FBXL19: variants seen among roughly 807,000 people sequenced by gnomAD.
The protein encoded by FBXL19 is F-box/LRR-repeat protein 19.
FBXL19 carries 16 observed loss-of-function variants against 71.2 expected under a neutral mutation model. The ratio of observed to expected loss-of-function variants is 0.22; its 90% CI spans 0.15 to 0.34. The LOEUF (loss-of-function observed/expected upper bound fraction) is 0.34, where lower values mean the gene tolerates loss of function less well. FBXL19 is among the 10% of genes least tolerant of loss of function. FBXL19 has a pLI of 1.00. For synonymous variants in FBXL19, 447 were observed against 409.4 expected (o/e 1.09, Z -1.11); for missense variants, 658 against 968.2 (o/e 0.68, Z 4.25).
chr16:30,944,375 G>A (rs1398868544), intron 9 of FBXL19, among the ~76,000 whole-genome samples: 1 of 151,468 alleles, frequency 6.6e-6, no homozygotes, highest in Non-Finnish European at 1.5e-5. Flanking sequence ...AAGGCTCCAG[G>A]GTGTGTTGTT....
At chr16:30,934,651 C>T (rs2055711787) in intron 7 of FBXL19, among the ~76,000 whole-genome samples, 1 of 115,422 alleles carries the variant, frequency 8.7e-6, no homozygotes, top group African/African-American at 2.6e-5. Flanking sequence ...GAGCAAGACC[C>T]TGTCTCAAAA....
chr16:30,946,691 G>T lies in FBXL19; in HGVS notation c.1628-39G>T. The T allele has an allele frequency of 1.3e-6, 2 of 1,574,794 alleles. No individual in the cohort carries two copies. The highest frequency in any genetic ancestry group is 2.3e-5 in the East Asian group (1 of 43,514). Reference sequence around the variant, plus strand: ...TCTGGATACCTGGGCGCAGGGATGGGAGTGGCCAGGAGTGCTGACCTCTCA... The same window carrying T: ...TCTGGATACCTGGGCGCAGGGATGGTAGTGGCCAGGAGTGCTGACCTCTCA... On this transcript the variant is annotated intron_variant, in intron 9 of 10. Coordinates refer to ENST00000338343, the MANE Select transcript of FBXL19 (RefSeq NM_001382779.1). The surrounding 1 kb of genome is among the most constrained non-coding windows in gnomAD (Gnocchi z 6.7).
intron 9 of FBXL19, among the ~76,000 whole-genome samples, chr16:30,945,849 GAAAA>G (rs11464927): frequency 8.1e-5 from 7 of 86,820 alleles, no homozygotes; most frequent in East Asian, 8.1e-4. Flanking sequence ...CCGTCTCGGG[GAAAA>G]AAAAAAAAAA....
intron 4 of FBXL19, 23 bp downstream of exon 4, chr16:30,927,682 C>T: frequency 6.4e-7 from 1 of 1,561,300 alleles, no homozygotes; most frequent in Non-Finnish European, 8.7e-7. Context: ...CTGGGCTGAG[C>T]TGTGGGTAGG....
At chr16:30,944,843 A>G (rs1315395753) in intron 9 of FBXL19, among the ~76,000 whole-genome samples, 1 of 152,150 alleles carries the variant, frequency 6.6e-6, no homozygotes, top group Non-Finnish European at 1.5e-5. Context: ...TTGGCTCCTC[A>G]AAGACAGGAG....
In FBXL19 at chr16:30,923,647, G is replaced by C. The variant is rs2055552319; in HGVS notation, c.-837G>C. ...GGGCCCCGGGCCGTAGCAGCGCGGG[G>C]CTGGGGGACCAGGGGGGCTGAGACA... On this transcript the variant is annotated 5_prime_UTR_variant, in exon 1 of 11. Coordinates refer to ENST00000338343, the MANE Select transcript of FBXL19 (RefSeq NM_001382779.1). Among the ~76,000 whole-genome samples the C allele has an allele frequency of 6.6e-6, 1 of 151,588 alleles. No homozygotes were observed. Among genetic ancestry groups the C allele is most frequent in the Non-Finnish European group, 1.5e-5 (1 of 67,768 alleles).
intron 6 of FBXL19, among the ~76,000 whole-genome samples, chr16:30,929,796 C>T (rs2055647758): frequency 1.3e-5 from 2 of 152,208 alleles, no homozygotes; most frequent in South Asian, 2.1e-4. Context: ...CCTCGTGATC[C>T]TCCCGCCTCG....
Position 30,925,689 on chromosome 16 carries a change from GC to G in FBXL19, c.-24-38del. 1 of 1,463,536 alleles carries G rather than the reference GC, an allele frequency of 6.8e-7. No individual in the cohort carries two copies. Among genetic ancestry groups the G allele is most frequent in the Non-Finnish European group, 9.0e-7 (1 of 1,116,524 alleles). 90.7% of individuals were successfully genotyped at this position (1,463,536 alleles called of 1,614,324 possible). A position where few individuals can be genotyped will look rare whatever the true frequency, so the allele number is the denominator to read the frequency against. On this transcript the variant is annotated intron_variant, in intron 1 of 10. Coordinates refer to ENST00000338343, the MANE Select transcript of FBXL19 (RefSeq NM_001382779.1). The surrounding 1 kb of genome is among the most constrained non-coding windows in gnomAD (Gnocchi z 5.0). Reference sequence around the variant, plus strand: ...CCTGTCAGGGGTCTCCCAGGCCAGGGCCCCAGTGGGCCCATCTGACCCTGCC... The same window carrying G: ...CCTGTCAGGGGTCTCCCAGGCCAGGGCCCAGTGGGCCCATCTGACCCTGCC...
chr16:30,925,892 G>A lies in FBXL19; in HGVS notation c.138G>A (p.Gly46=), dbSNP rs1202047965. The A allele has an allele frequency of 6.7e-7, 1 of 1,502,818 alleles. No homozygotes were observed. 93.1% of individuals were successfully genotyped at this position (1,502,818 alleles called of 1,614,324 possible). A position where few individuals can be genotyped will look rare whatever the true frequency, so the allele number is the denominator to read the frequency against. The change falls in exon 2 of 11, where the codon GGG becomes GGA. Residue 46 remains glycine (G), a synonymous_variant. Transcript: ENST00000338343. The surrounding 1 kb of genome is among the most constrained non-coding windows in gnomAD (Gnocchi z 5.0). ...ACATGAAGAAGTTCGGGGGGCCCGG[G>A]CGCATGAAGCAGTCGTGCCTGCTCC... ...CRDMKKFGGP[G]RMKQSCLLRQ... is the part of the protein sequence containing the mutation.
intron 7 of FBXL19, among the ~76,000 whole-genome samples, chr16:30,938,498 T>C (rs1037774056): frequency 5.3e-5 from 8 of 152,152 alleles, no homozygotes; most frequent in African/African-American, 1.9e-4. Context: ...AGTGAGACTT[T>C]GTCTGAAAAA....
At chr16:30,945,968 A>C (rs2143395870) in intron 9 of FBXL19, among the ~76,000 whole-genome samples, 1 of 152,058 alleles carries the variant, frequency 6.6e-6, no homozygotes, top group East Asian at 1.9e-4. Context: ...GAGTGTGGAG[A>C]ATTACATTAG....
At chr16:30,938,841 T>C (rs1184565817) in intron 7 of FBXL19, among the ~76,000 whole-genome samples, 2 of 151,796 alleles carry the variant, frequency 1.3e-5, no homozygotes, top group East Asian at 3.9e-4. Flanking sequence ...TTTCACCGTA[T>C]TAGCCAGGAT....
In FBXL19 at chr16:30,923,774, C is replaced by T. The variant is rs2055554608; in HGVS notation, c.-710C>T. On this transcript the variant is annotated 5_prime_UTR_variant, in exon 1 of 11. Transcript: ENST00000338343. ...ATTCAAATTTTATTTAAATCCCTAT[C>T]TCCCGAGGGTCGCGCGCTTGGGGGA... Among the ~76,000 whole-genome samples, 1 of 149,462 alleles carries T rather than the reference C, an allele frequency of 6.7e-6. No individual in the cohort carries two copies. Among genetic ancestry groups the T allele is most frequent in the Non-Finnish European group, 1.5e-5 (1 of 67,204 alleles).
Position 30,942,866 on chromosome 16 carries a change from C to T in FBXL19, c.1627+330C>T, listed in dbSNP as rs1260976856. ...ACTTAAATCTCATCATCCTTTAGGC[C>T]TGGGTATAAATGCCACTTCCTCCAA... On this transcript the variant is annotated intron_variant, in intron 9 of 10. Coordinates refer to ENST00000338343, the MANE Select transcript of FBXL19 (RefSeq NM_001382779.1). The surrounding 1 kb of genome is among the most constrained non-coding windows in gnomAD (Gnocchi z 5.7). 1.3e-5 allele frequency among the ~76,000 whole-genome samples: 2 copies of T among 152,180 alleles called. No individual in the cohort carries two copies. Among genetic ancestry groups the T allele is most frequent in the African/African-American group, 4.8e-5 (2 of 41,428 alleles).
chr16:30,939,652 T>G (rs944825254), intron 7 of FBXL19, among the ~76,000 whole-genome samples: 5 of 151,750 alleles, frequency 3.3e-5, no homozygotes, highest in Non-Finnish European at 7.4e-5. Context: ...TCTCCTGACC[T>G]AGTGATCCAC....
chr16:30,929,390 A>G (rs957471862), intron 6 of FBXL19, among the ~76,000 whole-genome samples: 1 of 152,160 alleles, frequency 6.6e-6, no homozygotes, highest in Middle Eastern at 3.2e-3. Flanking sequence ...GTTGATAGAC[A>G]GACGCCTGCT....
chr16:30,923,037 G>A (rs1385946075), upstream of FBXL19: 1 of 456,874 alleles, frequency 2.2e-6, no homozygotes, highest in South Asian at 1.5e-5. Context: ...CTAGTCAGGT[G>A]TATGTCCCTC....
In FBXL19 at chr16:30,946,960, C is replaced by A; in HGVS notation, c.1846+12C>A. 6.3e-7 allele frequency: 1 copy of A among 1,598,254 alleles called. No individual in the cohort carries two copies. The highest frequency in any genetic ancestry group is 8.5e-7 in the Non-Finnish European group (1 of 1,173,370). On this transcript the variant is annotated intron_variant, in intron 10 of 10. Coordinates refer to ENST00000338343, the MANE Select transcript of FBXL19 (RefSeq NM_001382779.1). The surrounding 1 kb of genome is among the most constrained non-coding windows in gnomAD (Gnocchi z 6.7). Reference sequence around the variant, plus strand: ...CCTCAATCTTGCTGGTAAGCACGGTCCCCCATCCGTCCTGCCAGCCTGTGG... The same window carrying A: ...CCTCAATCTTGCTGGTAAGCACGGTACCCCATCCGTCCTGCCAGCCTGTGG...
Position 30,947,970 on chromosome 16 carries a change from G to T in FBXL19, c.*740G>T, listed in dbSNP as rs1019090470. ...GCGGCCCAGGGGAGTGGCGAGGGGC[G>T]CCCCAACCCCCTGCCCGCCTCTCCG... On this transcript the variant is annotated 3_prime_UTR_variant, in exon 11 of 11. Coordinates refer to ENST00000338343, the MANE Select transcript of FBXL19 (RefSeq NM_001382779.1). 5 of 403,124 alleles carry T rather than the reference G, an allele frequency of 1.2e-5. No individual in the cohort carries two copies. The highest frequency in any genetic ancestry group is 2.0e-5 in the Non-Finnish European group (4 of 203,276). 25.0% of individuals were successfully genotyped at this position (403,124 alleles called of 1,614,324 possible).
Sources: gnomAD v4.1 joint callset for allele counts (sites outside exome capture counted in the v4.1 genomes callset) on GRCh38, gnomAD v4.1.1 for gene constraint, Gnocchi (gnomAD v3.1) non-coding constraint, MANE v1.5 for transcripts, NCBI Gene and HGNC (gene_info 2026-07-23, HGNC 2026-07-21) for gene names.